LARGE1: variants seen among roughly 807,000 people sequenced by gnomAD.
LARGE1 encodes LARGE xylosyl- and glucuronyltransferase 1, also known as xylosyl- and glucuronyltransferase LARGE1.
LARGE1 carries 43 observed loss-of-function variants against 87.6 expected under a neutral mutation model. That is an observed-to-expected ratio of 0.49 (90% CI 0.38 to 0.63). The LOEUF (loss-of-function observed/expected upper bound fraction) is 0.63. Among genes scored for constraint, LARGE1 ranks in the 30% least tolerant of loss-of-function variants. The pLI, the probability that LARGE1 is intolerant of heterozygous loss-of-function variation, is 0.00. For synonymous variants in LARGE1, 434 were observed against 394.6 expected, an observed-to-expected ratio of 1.10 and a Z score of -1.18; for missense variants, 802 against 1,000.2, an observed-to-expected ratio of 0.80 and a Z score of 2.67.
chr22:33,671,417 C>T (rs543362703), intron 2 of LARGE1, among the ~76,000 whole-genome samples: 21 of 152,280 alleles, frequency 1.4e-4, no homozygotes, highest in Non-Finnish European at 2.1e-4. Flanking sequence ...AAATGCTTTA[C>T]GAAGAAAAGT....
intron 1 of LARGE1, among the ~76,000 whole-genome samples, chr22:33,847,298 C>T (rs2063462791): frequency 6.6e-6 from 1 of 152,316 alleles, no homozygotes; most frequent in African/African-American, 2.4e-5. Context: ...GATTAAAACA[C>T]TGACTTTATT....
chr22:33,775,561 TG>T (rs917820612), intron 1 of LARGE1, among the ~76,000 whole-genome samples: 1 of 152,086 alleles, frequency 6.6e-6, no homozygotes, highest in African/African-American at 2.4e-5. Context: ...TTATTAAGAC[TG>T]GGGGGTTGGC....
intron 6 of LARGE1, among the ~76,000 whole-genome samples, chr22:33,531,003 C>G (rs1276307118): frequency 6.6e-6 from 1 of 152,202 alleles, no homozygotes; most frequent in Non-Finnish European, 1.5e-5. Context: ...TCTCACTCCT[C>G]ATCTTCACAC....
intron 1 of LARGE1, among the ~76,000 whole-genome samples, chr22:33,831,749 TACACACACAC>T (rs5845118): frequency 2.6e-4 from 38 of 146,862 alleles, no homozygotes; most frequent in African/African-American, 2.3e-4. Flanking sequence ...CACATGCATG[TACACACACAC>T]ACACACACAC....
intron 6 of LARGE1, among the ~76,000 whole-genome samples, chr22:33,438,711 T>A (rs1462529809): frequency 6.6e-6 from 1 of 152,198 alleles, no homozygotes; most frequent in Non-Finnish European, 1.5e-5. Flanking sequence ...AAGGCTGAGC[T>A]GAGCATTCGT....
At chr22:33,302,320 G>C (rs953432301) in intron 12 of LARGE1, among the ~76,000 whole-genome samples, 2 of 152,190 alleles carry the variant, frequency 1.3e-5, no homozygotes, top group African/African-American at 4.8e-5. Flanking sequence ...GAGGCTCATG[G>C]TGCTGGGTAC....
chr22:33,509,721 G>T (rs1010508843), intron 6 of LARGE1, among the ~76,000 whole-genome samples: 5 of 152,068 alleles, frequency 3.3e-5, no homozygotes, highest in African/African-American at 9.7e-5. Context: ...GAAAGTGCTG[G>T]GATTACAAGT....
the LARGE1 span, among the ~76,000 whole-genome samples, chr22:33,092,383 T>A: frequency 1.3e-5 from 2 of 152,146 alleles, no homozygotes; most frequent in Non-Finnish European, 2.9e-5. Context: ...GCGGTTCAAG[T>A]GATCTGCCTA....
At chr22:33,826,948 AC>A (rs1399291486) in intron 1 of LARGE1, among the ~76,000 whole-genome samples, 1 of 152,006 alleles carries the variant, frequency 6.6e-6, no homozygotes, top group Non-Finnish European at 1.5e-5. Flanking sequence ...AAATCAGTTA[AC>A]CCCAGCCTCC....
intron 1 of LARGE1, among the ~76,000 whole-genome samples, chr22:33,768,449 CA>C (rs1248474642): frequency 7.2e-5 from 11 of 151,934 alleles, no homozygotes; most frequent in Non-Finnish European, 1.0e-4. Flanking sequence ...CACACACACA[CA>C]CACACACACA....
At chr22:33,841,742 G>A (rs1162890220) in intron 1 of LARGE1, among the ~76,000 whole-genome samples, 1 of 152,116 alleles carries the variant, frequency 6.6e-6, no homozygotes, top group African/African-American at 2.4e-5. Context: ...CTAAAGGGTG[G>A]GTGTGAGTGT....
At chr22:33,583,734 T>C (rs1012470565) in intron 5 of LARGE1, among the ~76,000 whole-genome samples, 5 of 152,180 alleles carry the variant, frequency 3.3e-5, no homozygotes, top group Non-Finnish European at 5.9e-5. Context: ...CCATCCAGTA[T>C]GAAGTGTGCT....
intron 4 of LARGE1, among the ~76,000 whole-genome samples, chr22:33,608,557 C>T (rs936987989): frequency 1.3e-5 from 2 of 152,154 alleles, no homozygotes; most frequent in Non-Finnish European, 1.5e-5. Context: ...AGACCACAGA[C>T]GACAGAAACC....
intron 11 of LARGE1, among the ~76,000 whole-genome samples, chr22:33,263,270 C>T (rs1401138206): frequency 6.6e-6 from 1 of 152,240 alleles, no homozygotes; most frequent in Non-Finnish European, 1.5e-5. Context: ...CCAAGATTCC[C>T]AAGCCCTGCT....
chr22:33,096,862 G>C, the LARGE1 span, among the ~76,000 whole-genome samples: 3 of 152,214 alleles, frequency 2.0e-5, no homozygotes, highest in Non-Finnish European at 4.4e-5. Context: ...ACCGCGCCCG[G>C]CGGATCTGGA....
intron 11 of LARGE1, among the ~76,000 whole-genome samples, chr22:33,183,203 A>G (rs1350756216): frequency 1.3e-5 from 2 of 152,172 alleles, no homozygotes; most frequent in African/African-American, 4.8e-5. Flanking sequence ...AAGACATACT[A>G]ATGACCAATG....
At chr22:33,621,487 C>T (rs963540221) in intron 4 of LARGE1, among the ~76,000 whole-genome samples, 1 of 152,126 alleles carries the variant, frequency 6.6e-6, no homozygotes, top group Non-Finnish European at 1.5e-5. Context: ...TGAAAATTTG[C>T]ACCAAATCTT....
intron 12 of LARGE1, among the ~76,000 whole-genome samples, chr22:33,294,539 T>C (rs1932973193): frequency 6.6e-6 from 1 of 152,188 alleles, no homozygotes; most frequent in Admixed American, 6.5e-5. Context: ...TCTCTCAAGA[T>C]TTAGTGCATA....
At position 33,253,793 on chromosome 22, in the gene LARGE1, A is replaced by T. The variant is rs5998828; in HGVS notation, c.1730+50436T>A. On this transcript the variant is annotated intron_variant, in intron 11 of 11. Transcript: ENST00000608642. ...CCTCGGAGGGGAAGGCTGCCTCCTT[A>T]GTCTGAGAAAGCAGGGCCTGGCTGG... Among the ~76,000 whole-genome samples, 697 of 152,224 alleles carry T rather than the reference A, an allele frequency of 4.6e-3. 6 individuals are homozygous for T. The highest frequency in any genetic ancestry group is 0.016 in the African/African-American group (657 of 41,538).
Sources: gnomAD v4.1 joint callset for allele counts (sites outside exome capture counted in the v4.1 genomes callset) on GRCh38, gnomAD v4.1.1 for gene constraint, MANE v1.5 for transcripts, NCBI Gene and HGNC (gene_info 2026-07-23, HGNC 2026-07-21) for gene names.